DHX16: variants seen among roughly 807,000 people sequenced by gnomAD.
DHX16 encodes DEAH-box helicase 16, also known as pre-mRNA-splicing factor ATP-dependent RNA helicase DHX16.
A neutral mutation model predicts 131.2 loss-of-function variants in DHX16; 81 were observed. The ratio of observed to expected loss-of-function variants is 0.62; its 90% CI spans 0.52 to 0.74. The LOEUF is 0.74. Among genes scored for constraint, DHX16 ranks in the 30% least tolerant of loss-of-function variants. The probability of loss-of-function intolerance (pLI) is 0.00; values close to 1 mark genes in which losing one functional copy is unlikely to be tolerated. For synonymous variants in DHX16, 440 were observed against 520.2 expected (o/e 0.85, Z 2.10); for missense variants, 980 against 1,363.1 (o/e 0.72, Z 4.43).
rs1767967650 is a variant in DHX16, at chr6:30,656,228, A to G, written c.2468T>C (p.Met823Thr). The G allele has an allele frequency of 6.2e-7, 1 of 1,613,494 alleles. No individual in the cohort carries two copies. The highest frequency in any genetic ancestry group is 8.5e-7 in the Non-Finnish European group (1 of 1,180,020). The change falls in exon 16 of 20, where the codon ATG becomes ACG. Residue 823 changes from methionine (M) to threonine (T), a missense_variant. Met to Thr is a moderately conservative substitution (Grantham distance 81). Coordinates refer to ENST00000376442, the MANE Select transcript of DHX16 (RefSeq NM_003587.5). This position sits in a 1 kb window ranked among gnomAD's most constrained non-coding sequence, Gnocchi z 5.1. ...RKMAELPVDP[M>T]LSKMILASEK... ...AGAGGCTAAGATCATTTTGGACAGC[A>G]TGGGGTCCACCGGCAGCTCTGCCAT...
At chr6:30,661,247 T>C (rs1212860846) in intron 9 of DHX16, among the ~76,000 whole-genome samples, 1 of 152,178 alleles carries the variant, frequency 6.6e-6, no homozygotes, top group Non-Finnish European at 1.5e-5. Flanking sequence ...CACGCCCAGC[T>C]AATTTTTTAT....
chr6:30,666,970 AT>A (rs1029663406), intron 4 of DHX16, among the ~76,000 whole-genome samples: 9 of 150,472 alleles, frequency 6.0e-5, no homozygotes, highest in Non-Finnish European at 8.9e-5. Context: ...AGCCAGATAG[AT>A]TTTTTTTTTA....
rs946206313 is a variant in DHX16 at position 30,656,655 on chromosome 6, T to C, written c.2253A>G (p.Thr751=). Residue 751 remains threonine, a synonymous_variant, in exon 14 of 20, where the codon ACA becomes ACG. Coordinates refer to ENST00000376442, the MANE Select transcript of DHX16 (RefSeq NM_003587.5). The surrounding 1 kb of genome is among the most constrained non-coding windows in gnomAD (Gnocchi z 5.1). ...AGCTGGTCCTCTGGATCTCAGGCAC[T>C]GTGGTTTCCTCAAGCTCGTGCTGAT... ...WAYQHELEET[T]VPEIQRTSLG... The C allele has an allele frequency of 6.8e-6, 11 of 1,613,944 alleles. No individual in the cohort carries two copies. The African/African-American group carries it at 1.3e-4, about 20-fold the overall frequency.
chr6:30,654,756 A>G lies in DHX16; in HGVS notation c.2947T>C (p.Trp983Arg), dbSNP rs1464331707. Reference protein sequence around the residue: ...NSSLFEQQPRWLLYHELVLTT... With the variant: ...NSSLFEQQPRRLLYHELVLTT... ...AAGACAAGTTCGTGGTAGAGCAGCC[A>G]GCGTGGCTGTTGCTCAAAGAGGGAG... Residue 983 changes from tryptophan to arginine, a missense_variant, in exon 19 of 20, where the codon TGG becomes CGG. Coordinates refer to ENST00000376442, the MANE Select transcript of DHX16 (RefSeq NM_003587.5). 2.5e-6 allele frequency: 4 copies of G among 1,613,034 alleles called. No homozygotes were observed. Among genetic ancestry groups the G allele is most frequent in the African/African-American group, 1.3e-5 (1 of 75,072 alleles).
Position 30,670,755 on chromosome 6 carries a change from C to G in DHX16, c.609+35G>C. 1 of 1,611,006 alleles carries G rather than the reference C, an allele frequency of 6.2e-7. No individual in the cohort carries two copies. The highest frequency in any genetic ancestry group is 8.5e-7 in the Non-Finnish European group (1 of 1,179,296). On this transcript the variant is annotated intron_variant, in intron 3 of 19. Transcript: ENST00000376442. The surrounding 1 kb of genome is among the most constrained non-coding windows in gnomAD (Gnocchi z 4.4). ...CCAACCTCAGATTTCACCCTGGGAT[C>G]TTGGGGATTTACAGAACATGCTGCT...
chr6:30,661,740 A>T, intron 9 of DHX16: 2 of 715,788 alleles, frequency 2.8e-6, no homozygotes, highest in African/African-American at 1.8e-5. Context: ...CCTGACCTCA[A>T]CTCTTTGTGC....
At chr6:30,659,366 T>C (rs1406098756) in intron 12 of DHX16, 106 bp downstream of exon 12, 1 of 1,225,552 alleles carries the variant, frequency 8.2e-7, no homozygotes, top group Non-Finnish European at 1.1e-6. Context: ...TCCTCAGCTG[T>C]GTGCAGCAGT....
chr6:30,659,517 G>A lies in DHX16; in HGVS notation c.1962C>T (p.Asp654=), dbSNP rs1259110054. The part of the protein sequence containing the change: ...VLPIYANLPS[D]MQARIFQPTP... ...TGGGCTGGAAGATACGGGCCTGCAT[G>A]TCAGAGGGCAGATTGGCATAAATGG... The change falls in exon 12 of 20, where the codon GAC becomes GAT. Residue 654 remains aspartate, a synonymous_variant. Transcript: ENST00000376442. 6.2e-7 allele frequency: 1 copy of A among 1,608,076 alleles called. No individual in the cohort carries two copies. Among genetic ancestry groups the A allele is most frequent in the Non-Finnish European group, 8.5e-7 (1 of 1,177,756 alleles).
At chr6:30,672,280 C>T (rs1306823954) in intron 1 of DHX16, among the ~76,000 whole-genome samples, 8 of 151,564 alleles carry the variant, frequency 5.3e-5, no homozygotes, top group Non-Finnish European at 1.0e-4. Flanking sequence ...GATCTTACGA[C>T]CGCACTCCAG....
chr6:30,668,825 C>G (rs1315883208), intron 4 of DHX16, among the ~76,000 whole-genome samples: 2 of 152,024 alleles, frequency 1.3e-5, no homozygotes, highest in African/African-American at 4.8e-5. Flanking sequence ...AAAAGTTGGC[C>G]GGGCACGTGG....
In DHX16 at chr6:30,656,353, T is replaced by C. The variant is rs772912314; in HGVS notation, c.2430+38A>G. On this transcript the variant is annotated intron_variant, in intron 15 of 19. Coordinates refer to ENST00000376442, the MANE Select transcript of DHX16 (RefSeq NM_003587.5). The surrounding 1 kb of genome is among the most constrained non-coding windows in gnomAD (Gnocchi z 5.1). Reference sequence around the variant, plus strand: ...GGGTCCCTGGAGCCATCCTGACCCCTATCATCCTGCCTCCACCCATGCTGT... The same window carrying C: ...GGGTCCCTGGAGCCATCCTGACCCCCATCATCCTGCCTCCACCCATGCTGT... The C allele has an allele frequency of 4.3e-6, 7 of 1,611,262 alleles. No individual in the cohort carries two copies. Among genetic ancestry groups the C allele is most frequent in the Admixed American group, 1.7e-5 (1 of 60,000 alleles).
chr6:30,654,524 T>C (rs1767770349), intron 19 of DHX16, among the ~76,000 whole-genome samples, 182 bp downstream of exon 19: 2 of 152,112 alleles, frequency 1.3e-5, no homozygotes. Flanking sequence ...CACTCCAGCC[T>C]GGACAACAGA....
At position 30,670,958 on chromosome 6, in the gene DHX16, G is replaced by T. The variant is rs188894166; in HGVS notation, c.447-6C>A. ...CTGTCTGCTGTTTACTCCCCCTGCA[G>T]CCCATCCAGGGGATTAAATAAGGGC... is the stretch of plus-strand genomic sequence containing the variant. On this transcript the variant is annotated splice_polypyrimidine_tract_variant and splice_region_variant and intron_variant, in intron 2 of 19. Coordinates refer to ENST00000376442, the MANE Select transcript of DHX16 (RefSeq NM_003587.5). This position sits in a 1 kb window ranked among gnomAD's most constrained non-coding sequence, Gnocchi z 4.4. 5.6e-6 allele frequency: 9 copies of T among 1,613,038 alleles called. No homozygotes were observed. The highest frequency in any genetic ancestry group is 1.6e-4 in the Middle Eastern group (1 of 6,062).
chr6:30,660,665 G>C (rs1279006320), intron 9 of DHX16: 1 of 162,784 alleles, frequency 6.1e-6, no homozygotes, highest in African/African-American at 2.4e-5. Context: ...TGGATCACAA[G>C]GTCAGGAGTT....
At chr6:30,659,107 G>A (rs80117346) in intron 12 of DHX16, among the ~76,000 whole-genome samples, 7,440 of 152,106 alleles carry the variant, frequency 0.049, 368 homozygotes, top group African/African-American at 0.12. Context: ...GCCTGGTTTC[G>A]AACTACTGAC....
chr6:30,655,641 AG>A (rs1561968597), intron 16 of DHX16, 44 bp from the exon 17 acceptor site: 1 of 1,604,884 alleles, frequency 6.2e-7, no homozygotes, highest in South Asian at 1.1e-5. Context: ...CAAGACACAT[AG>A]GAACAGATAT....
intron 18 of DHX16, 64 bp downstream of exon 18, chr6:30,655,111 C>T: frequency 6.2e-7 from 1 of 1,600,768 alleles, no homozygotes. Context: ...CTGCATGCCC[C>T]CAGAGAAGCT....
At chr6:30,654,946 A>AC (rs1767829522) in intron 18 of DHX16, 67 bp from the exon 19 acceptor site, 11 of 1,514,294 alleles carry the variant, frequency 7.3e-6, no homozygotes, top group Non-Finnish European at 9.8e-6. Flanking sequence ...AGAATGCACT[A>AC]CCTTTTTAGT....
chr6:30,672,234 G>T (rs1562004279), intron 1 of DHX16, among the ~76,000 whole-genome samples: 1 of 151,530 alleles, frequency 6.6e-6, no homozygotes, highest in Non-Finnish European at 1.5e-5. Context: ...TGGGAGGGTC[G>T]CTTCAACCAG....
Sources: allele counts gnomAD v4.1 joint callset (sites outside exome capture counted in the v4.1 genomes callset), GRCh38; gene constraint gnomAD v4.1.1; non-coding constraint Gnocchi (gnomAD v3.1); transcripts MANE v1.5; gene names NCBI Gene and HGNC (gene_info 2026-07-23, HGNC 2026-07-21).